USP9X: variants seen among roughly 807,000 people sequenced by gnomAD.
USP9X encodes ubiquitin specific peptidase 9 X-linked, also known as ubiquitin carboxyl-terminal hydrolase 9X.
In USP9X, 7 loss-of-function variants were observed where a neutral mutation model predicts 190.3. The ratio of observed to expected loss-of-function variants is 0.04; its 90% confidence interval spans 0.02 to 0.07. The LOEUF (loss-of-function observed/expected upper bound fraction) is 0.07, where lower values mean the gene tolerates loss of function less well. Ranked by LOEUF, USP9X falls within the 10% of genes least tolerant of loss-of-function variation. USP9X has a pLI of 1.00. For missense variants in USP9X, 1,010 were observed against 1,916.9 expected (o/e 0.53, Z 8.83); for synonymous variants, 645 against 659.5 (o/e 0.98, Z 0.34).
chrX:41,156,644 G>A (rs1237988751), intron 14 of USP9X, among the ~76,000 whole-genome samples: 1 of 111,773 alleles, frequency 8.9e-6, no homozygotes, highest in African/African-American at 3.3e-5. Flanking sequence ...ACCAGCACCT[G>A]CTCTTAAGGC....
At chrX:41,093,900 T>C (rs183959479) in intron 1 of USP9X, among the ~76,000 whole-genome samples, 132 of 111,989 alleles carry the variant, frequency 1.2e-3, no homozygotes, top group African/African-American at 3.9e-3. Context: ...GTGACTGTCG[T>C]TTTTGAAATT....
intron 26 of USP9X, among the ~76,000 whole-genome samples, chrX:41,194,602 C>T (rs5918133): frequency 0.21 from 23,265 of 110,391 alleles, 2,249 homozygotes; most frequent in Non-Finnish European, 0.3. Context: ...TAGTAACTAG[C>T]ACAAAGACAG....
intron 6 of USP9X, among the ~76,000 whole-genome samples, chrX:41,137,937 A>T (rs974924547): frequency 5.7e-4 from 63 of 111,055 alleles, no homozygotes; most frequent in African/African-American, 1.8e-3. Flanking sequence ...CACAGGGCAC[A>T]AAACTTGATT....
At chrX:41,171,724 G>T (rs2062727582) in intron 20 of USP9X, 114 bp from the exon 21 acceptor site, 2 of 911,928 alleles carry the variant, frequency 2.2e-6, no homozygotes, top group South Asian at 2.1e-5. Context: ...ATTTCAAAGA[G>T]TAGAAATTTC....
intron 38 of USP9X, among the ~76,000 whole-genome samples, chrX:41,220,744 T>C (rs1242205127): frequency 9.7e-6 from 1 of 102,870 alleles, no homozygotes; most frequent in Non-Finnish European, 2.0e-5. Context: ...ACCTGAGGTA[T>C]GGAGTTCAAG....
At chrX:41,195,114 G>C (rs2062971823) in intron 26 of USP9X, among the ~76,000 whole-genome samples, 1 of 108,829 alleles carries the variant, frequency 9.2e-6, no homozygotes, top group Non-Finnish European at 1.9e-5. Context: ...TCAGCTCACT[G>C]CAACCTCCGC....
At chrX:41,147,450 G>GTTTT (rs760854080) in intron 11 of USP9X, among the ~76,000 whole-genome samples, 50 of 69,747 alleles carry the variant, frequency 7.2e-4, no homozygotes, top group Middle Eastern at 0.01. Flanking sequence ...CTTAATCGTT[G>GTTTT]TTTTTTTTTT....
rs1205128895 is a variant in USP9X, at chrX:41,234,432, T to A, written c.*1908T>A. The A allele has an allele frequency of 8.9e-6, 1 of 112,457 alleles. No individual in the cohort carries two copies. Among genetic ancestry groups the A allele is most frequent in the Non-Finnish European group, 1.9e-5 (1 of 53,287 alleles). The allele number at this position is 112,457 out of a possible 1,213,427, so 9.3% of individuals were successfully genotyped here. A position where few individuals can be genotyped will look rare whatever the true frequency, so the allele number is the denominator to read the frequency against. ...TATTTAAGATAAAGCTTTGGGTATC[T>A]TATTTGTAGTACTGTATAGTCAACC... On this transcript the variant is annotated 3_prime_UTR_variant, in exon 45 of 45. Transcript: ENST00000378308.
intron 1 of USP9X, among the ~76,000 whole-genome samples, chrX:41,089,584 A>G (rs761130139): frequency 9.5e-4 from 106 of 111,823 alleles, no homozygotes; most frequent in African/African-American, 3.1e-3. Context: ...AGGTGTAGAA[A>G]CTATGCATTT....
At chrX:41,109,779 C>T (rs778437013) in intron 1 of USP9X, among the ~76,000 whole-genome samples, 206 of 108,622 alleles carry the variant, frequency 1.9e-3, no homozygotes, top group African/African-American at 6.7e-3. Context: ...ATGGGGGGGG[C>T]AGGAAACCTG....
intron 15 of USP9X, among the ~76,000 whole-genome samples, chrX:41,165,134 A>T (rs1017426678): frequency 2.8e-5 from 3 of 106,902 alleles, no homozygotes; most frequent in African/African-American, 1.0e-4. Context: ...TCATTTTTCA[A>T]TGATGCCATA....
chrX:41,164,914 A>AT (rs2062665891), intron 15 of USP9X, among the ~76,000 whole-genome samples: 1 of 111,511 alleles, frequency 9.0e-6, no homozygotes, highest in African/African-American at 3.3e-5. Context: ...AAGTTTCCCG[A>AT]TTTTTCCTTT....
At chrX:41,090,662 GA>G (rs1200426709) in intron 1 of USP9X, among the ~76,000 whole-genome samples, 1 of 112,001 alleles carries the variant, frequency 8.9e-6, no homozygotes, top group African/African-American at 3.2e-5. Context: ...TGTGTAACCA[GA>G]GGTTTTTTTT....
At chrX:41,186,850 G>A (rs1433388637) in intron 24 of USP9X, among the ~76,000 whole-genome samples, 6 of 104,032 alleles carry the variant, frequency 5.8e-5, no homozygotes, top group African/African-American at 1.8e-4. Context: ...TTTTTGAGAC[G>A]GAGTCTCACT....
chrX:41,135,874 G>A lies in USP9X; in HGVS notation c.436-930G>A, dbSNP rs778877609. Among the ~76,000 whole-genome samples the A allele has an allele frequency of 5.2e-3, 577 of 111,116 alleles. 3 individuals are homozygous for A. Among genetic ancestry groups the A allele is most frequent in the African/African-American group, 0.017 (527 of 30,571 alleles). On this transcript the variant is annotated intron_variant, in intron 5 of 44. Transcript: ENST00000378308. ...TCGAACTCCTGTCCTCAAGTGATCC[G>A]CCTGCCTCAGCCTCCCAAAGTGCTG...
In USP9X at chrX:41,168,307, C is replaced by A. The variant is rs916705978; in HGVS notation, c.2636+89C>A. On this transcript the variant is annotated intron_variant, in intron 18 of 44. Coordinates refer to ENST00000378308, the MANE Select transcript of USP9X (RefSeq NM_001039591.3). The stretch of plus-strand genomic sequence containing the variant: ...GTAAAAGGAGAGCAGAAATTTTTCT[C>A]GTTTGAAAATTGTTGTCTTTGCCCA... The A allele has an allele frequency of 8.4e-6, 7 of 832,246 alleles. No individual in the cohort carries two copies. In the East Asian group the frequency reaches 2.7e-4, roughly 32 times the overall value. 68.6% of individuals were successfully genotyped at this position (832,246 alleles called of 1,213,427 possible).
chrX:41,122,138 GATCTTA>G (rs2062195489), intron 1 of USP9X, among the ~76,000 whole-genome samples: 1 of 110,351 alleles, frequency 9.1e-6, no homozygotes, highest in African/African-American at 3.3e-5. Flanking sequence ...AGAGAGCGGG[GATCTTA>G]ACAGAAATTT....
At chrX:41,103,560 T>TA (rs1433284485) in intron 1 of USP9X, among the ~76,000 whole-genome samples, 1 of 112,271 alleles carries the variant, frequency 8.9e-6, no homozygotes, top group Admixed American at 9.5e-5. Context: ...CATTCAGTAA[T>TA]ACACTGCCAT....
chrX:41,101,582 C>G (rs1044166567), intron 1 of USP9X, among the ~76,000 whole-genome samples: 3 of 111,189 alleles, frequency 2.7e-5, no homozygotes, highest in African/African-American at 9.8e-5. Context: ...TCCCTAGTAG[C>G]TGGGATTATA....
Sources: gnomAD v4.1 joint callset for allele counts (sites outside exome capture counted in the v4.1 genomes callset) on GRCh38, gnomAD v4.1.1 for gene constraint, MANE v1.5 for transcripts, NCBI Gene and HGNC (gene_info 2026-07-23, HGNC 2026-07-21) for gene names.